The following NCKAP1 variants were observed in gnomAD, a reference collection of about 807,000 sequenced individuals.
NCKAP1 encodes the protein nck-associated protein 1.
NCKAP1 carries 21 observed loss-of-function variants against 151.2 expected under a neutral mutation model. The ratio of observed to expected loss-of-function variants is 0.14; its 90% CI spans 0.10 to 0.20. The LOEUF (loss-of-function observed/expected upper bound fraction) is 0.20. Among genes scored for constraint, NCKAP1 ranks in the 10% least tolerant of loss-of-function variants. The pLI, the probability that NCKAP1 is intolerant of heterozygous loss-of-function variation, is 1.00. For missense variants in NCKAP1, 933 were observed against 1,352.1 expected (o/e 0.69, Z 4.86); for synonymous variants, 484 against 451.8 (o/e 1.07, Z -0.90).
At chr2:182,948,242 A>G (rs2105817754) in intron 23 of NCKAP1, among the ~76,000 whole-genome samples, 1 of 152,236 alleles carries the variant, frequency 6.6e-6, no homozygotes, top group East Asian at 1.9e-4. Context: ...AATCATTAAT[A>G]AAATATGGAA....
At chr2:182,985,561 G>C (rs1054261448) in intron 10 of NCKAP1, among the ~76,000 whole-genome samples, 1 of 151,908 alleles carries the variant, frequency 6.6e-6, no homozygotes, top group African/African-American at 2.4e-5. Flanking sequence ...CCAGCACTTT[G>C]GGAGGCCAAG....
chr2:182,942,838 T>A (rs938771121), intron 23 of NCKAP1, among the ~76,000 whole-genome samples: 8 of 152,056 alleles, frequency 5.3e-5, no homozygotes, highest in Non-Finnish European at 1.0e-4. Flanking sequence ...ACAAAGTAAT[T>A]TAAAAATTAT....
At position 183,011,431 on chromosome 2, in the gene NCKAP1, T is replaced by C. The variant is rs868765623; in HGVS notation, c.220-8106A>G. Among the ~76,000 whole-genome samples the C allele has an allele frequency of 2.6e-5, 4 of 152,240 alleles. 1 individual carries two copies. Among genetic ancestry groups the C allele is most frequent in the Admixed American group, 1.3e-4 (2 of 15,288 alleles). On this transcript the variant is annotated intron_variant, in intron 2 of 30. Coordinates refer to ENST00000361354, the MANE Select transcript of NCKAP1 (RefSeq NM_013436.5). ...ATCACCCCAAACCCTTGTGCCCATTTACAGTTAATCCTGCTGTTACTCCCA... is the reference window on the plus strand; with the variant it reads ...ATCACCCCAAACCCTTGTGCCCATTCACAGTTAATCCTGCTGTTACTCCCA...
At position 183,028,091 on chromosome 2, in the gene NCKAP1, A is replaced by G. The variant is rs919914962; in HGVS notation, c.109-4175T>C. Among the ~76,000 whole-genome samples, 2 of 152,110 alleles carry G rather than the reference A, an allele frequency of 1.3e-5. 1 individual carries two copies. Among genetic ancestry groups the G allele is most frequent in the South Asian group, 4.1e-4 (2 of 4,828 alleles). On this transcript the variant is annotated intron_variant, in intron 1 of 30. Transcript: ENST00000361354. ...AATTACCAATTCAATTAAACATTTG[A>G]GCACTTCTATCCCCCATACTCCCAA...
At chr2:182,976,356 G>A (rs72886596) in intron 15 of NCKAP1, among the ~76,000 whole-genome samples, 4,030 of 152,220 alleles carry the variant, frequency 0.026, 80 homozygotes, top group Non-Finnish European at 0.04. Flanking sequence ...TGTACAGATC[G>A]TGGTGGTAAA....
At chr2:183,022,955 C>T (rs1256139372) in intron 2 of NCKAP1, 1 of 152,162 alleles carries the variant, frequency 6.6e-6, no homozygotes, top group Non-Finnish European at 1.5e-5. Flanking sequence ...AGATAACTCA[C>T]TATTTTTGGA....
chr2:182,936,773 TC>T (rs1575016383), intron 24 of NCKAP1, among the ~76,000 whole-genome samples: 1 of 152,286 alleles, frequency 6.6e-6, no homozygotes, highest in East Asian at 1.9e-4. Context: ...CAGGAACTAC[TC>T]TTAATCTTCT....
intron 2 of NCKAP1, among the ~76,000 whole-genome samples, chr2:183,017,870 G>C (rs1291393795): frequency 3.3e-5 from 5 of 152,144 alleles, no homozygotes; most frequent in Non-Finnish European, 7.4e-5. Flanking sequence ...TTCTTCAAGA[G>C]CAATTTGTCA....
At chr2:183,013,453 C>T (rs1698627428) in intron 2 of NCKAP1, among the ~76,000 whole-genome samples, 1 of 152,120 alleles carries the variant, frequency 6.6e-6, no homozygotes, top group Non-Finnish European at 1.5e-5. Context: ...ACTGTCCATA[C>T]ACCCAACACC....
chr2:182,957,371 C>T, intron 19 of NCKAP1, 86 bp downstream of exon 19: 5 of 1,266,896 alleles, frequency 3.9e-6, no homozygotes, highest in East Asian at 2.6e-5. Context: ...CAATTATTAG[C>T]ATTTCCTCAG....
rs180822086 is a variant in NCKAP1 at position 182,922,282 on chromosome 2, A to G, written c.*3420T>C. 6.6e-6 allele frequency: 1 copy of G among 152,334 alleles called. No homozygotes were observed. The highest frequency in any genetic ancestry group is 1.9e-4 in the East Asian group (1 of 5,178). The allele number at this position is 152,334 out of a possible 1,614,324, so 9.4% of individuals were successfully genotyped here. On this transcript the variant is annotated 3_prime_UTR_variant, in exon 31 of 31. Transcript: ENST00000361354. The stretch of plus-strand genomic sequence containing the variant: ...CATTTAGAAGGCCTGATGGTGTACA[A>G]CAGACTTTACATTTTCACATTAATG...
In NCKAP1 at chr2:182,921,002, C is replaced by T. The variant is rs189877637; in HGVS notation, c.*4700G>A. 3 of 152,252 alleles carry T rather than the reference C, an allele frequency of 2.0e-5. No homozygotes were observed. Among genetic ancestry groups the T allele is most frequent in the African/African-American group, 7.2e-5 (3 of 41,544 alleles). The allele number at this position is 152,252 out of a possible 1,614,324, so 9.4% of individuals were successfully genotyped here. A position where few individuals can be genotyped will look rare whatever the true frequency, so the allele number is the denominator to read the frequency against. ...AGTGCACAGTTTTAGTCTGTGAGCA[C>T]GCTTCAGTGAAATTATATCACCACT... On this transcript the variant is annotated 3_prime_UTR_variant, in exon 31 of 31. Coordinates refer to ENST00000361354, the MANE Select transcript of NCKAP1 (RefSeq NM_013436.5).
chr2:182,955,425 T>C (rs1369513745), intron 20 of NCKAP1, among the ~76,000 whole-genome samples: 1 of 152,166 alleles, frequency 6.6e-6, no homozygotes, highest in Non-Finnish European at 1.5e-5. Flanking sequence ...AATAAGGATG[T>C]AACTTCAGAA....
intron 27 of NCKAP1, 131 bp from the exon 28 acceptor site, chr2:182,929,030 C>T (rs1696706038): frequency 1.7e-6 from 1 of 591,422 alleles, no homozygotes; most frequent in South Asian, 2.5e-5. Flanking sequence ...AACTATTTTA[C>T]TAGCATTCTA....
Position 182,930,735 on chromosome 2 carries a change from A to T in NCKAP1, c.2913T>A (p.Ile971=), listed in dbSNP as rs761087509. The T allele has an allele frequency of 1.2e-6, 2 of 1,613,514 alleles. No individual in the cohort carries two copies. The highest frequency in any genetic ancestry group is 3.3e-5 in the Admixed American group (2 of 59,998). ...AAAGAGCTACGACCAATGCAGGATCAATCTCACAAGGTAATCCGGCAGCTG... is the reference window on the plus strand; with the variant it reads ...AAAGAGCTACGACCAATGCAGGATCTATCTCACAAGGTAATCCGGCAGCTG... ...LSSAAGLPCE[I]DPALVVALSS... is the part of the protein sequence containing the mutation. The change falls in exon 27 of 31, where the codon ATT becomes ATA. Residue 971 remains isoleucine (I), a synonymous_variant. Coordinates refer to ENST00000361354, the MANE Select transcript of NCKAP1 (RefSeq NM_013436.5).
At chr2:182,930,371 C>T (rs1022273470) in intron 27 of NCKAP1, among the ~76,000 whole-genome samples, 5 of 151,938 alleles carry the variant, frequency 3.3e-5, no homozygotes, top group Non-Finnish European at 5.9e-5. Context: ...TTCTCAATTT[C>T]TCTAAATTTC....
intron 2 of NCKAP1, among the ~76,000 whole-genome samples, 191 bp from the exon 3 acceptor site, chr2:183,003,516 G>A (rs1043697307): frequency 1.3e-5 from 2 of 152,058 alleles, no homozygotes; most frequent in Non-Finnish European, 2.9e-5. Flanking sequence ...CTGACAGTGT[G>A]AGGCTATAAA....
chr2:182,950,919 G>A (rs1447096563), intron 23 of NCKAP1, among the ~76,000 whole-genome samples: 2 of 151,960 alleles, frequency 1.3e-5, no homozygotes, highest in African/African-American at 2.4e-5. Context: ...TGCAACCTCC[G>A]CCTCCCGGGT....
Position 182,910,953 on chromosome 2 carries a change from C to CCCG in NCKAP1, c.*14748_*14749insCGG, listed in dbSNP as rs1553507025. On this transcript the variant is annotated 3_prime_UTR_variant, in exon 31 of 31. Coordinates refer to ENST00000361354, the MANE Select transcript of NCKAP1 (RefSeq NM_013436.5). ...AAATAAAAATAAAATCCTAAGCTCCCCCCCCACATTTGACTAAACAGACCC... is the reference window on the plus strand; with the variant it reads ...AAATAAAAATAAAATCCTAAGCTCCCCCGCCCCCACATTTGACTAAACAGACCC... The CCCG allele has an allele frequency of 1.4e-5, 2 of 146,898 alleles. No individual in the cohort carries two copies. Among genetic ancestry groups the CCCG allele is most frequent in the South Asian group, 2.4e-4 (1 of 4,246 alleles). 9.1% of individuals were successfully genotyped at this position (146,898 alleles called of 1,614,324 possible).
Sources: allele counts gnomAD v4.1 joint callset (sites outside exome capture counted in the v4.1 genomes callset), GRCh38; gene constraint gnomAD v4.1.1; transcripts MANE v1.5; gene names NCBI Gene and HGNC (gene_info 2026-07-23, HGNC 2026-07-21).